Variants in RAB4A observed in about 807,000 individuals in gnomAD.
RAB4A encodes the protein ras-related protein Rab-4A.
RAB4A carries 20 observed loss-of-function variants against 34.5 expected under a neutral mutation model. The observed-to-expected ratio is 0.58, with a 90% CI of 0.41 to 0.84. The LOEUF (loss-of-function observed/expected upper bound fraction) is 0.84, where lower values mean the gene tolerates loss of function less well. Ranked by LOEUF, RAB4A falls within the 40% of genes least tolerant of loss-of-function variation. The probability of loss-of-function intolerance (pLI) is 0.00; values close to 1 mark genes in which losing one functional copy is unlikely to be tolerated. For missense variants in RAB4A, 228 were observed against 274.5 expected, an observed-to-expected ratio of 0.83 and a Z score of 1.20; for synonymous variants, 102 against 100.0, an observed-to-expected ratio of 1.02 and a Z score of -0.12.
chr1:229,301,436 G>GA (rs952677728), intron 6 of RAB4A, among the ~76,000 whole-genome samples: 8 of 150,788 alleles, frequency 5.3e-5, no homozygotes, highest in South Asian at 2.1e-4. Context: ...TTATCAGAAA[G>GA]AAAAAAAAAT....
chr1:229,284,347 C>A (rs1486811412), intron 1 of RAB4A, among the ~76,000 whole-genome samples: 4 of 152,084 alleles, frequency 2.6e-5, no homozygotes, highest in African/African-American at 9.7e-5. Flanking sequence ...ATCCATCCGC[C>A]TCAGTCTCCC....
At chr1:229,298,136 G>C (rs1657293978) in intron 5 of RAB4A, among the ~76,000 whole-genome samples, 1 of 152,068 alleles carries the variant, frequency 6.6e-6, no homozygotes, top group African/African-American at 2.4e-5. Context: ...AAAATTAATG[G>C]TTGCTTAATT....
At chr1:229,273,273 C>T (rs1257565070) in intron 1 of RAB4A, among the ~76,000 whole-genome samples, 2 of 152,206 alleles carry the variant, frequency 1.3e-5, no homozygotes, top group Admixed American at 1.3e-4. Context: ...CCACTTCAGA[C>T]ACAGTTAACT....
chr1:229,295,957 G>A (rs202143103), intron 4 of RAB4A, 47 bp downstream of exon 4: 76 of 1,597,652 alleles, frequency 4.8e-5, no homozygotes, highest in Non-Finnish European at 2.4e-5. Context: ...GTGCCCTGCA[G>A]CCCAAAGGCT....
At chr1:229,272,665 T>G (rs1031391560) in intron 1 of RAB4A, among the ~76,000 whole-genome samples, 12 of 151,144 alleles carry the variant, frequency 7.9e-5, no homozygotes, top group Admixed American at 3.3e-4. Context: ...TCAAGAAGGG[T>G]GTGTTTTGAG....
Position 229,280,353 on chromosome 1 carries a change from T to G in RAB4A, c.32-6133T>G, listed in dbSNP as rs547792721. Among the ~76,000 whole-genome samples the G allele has an allele frequency of 6.6e-5, 10 of 152,328 alleles. No individual in the cohort carries two copies. In the South Asian group the frequency reaches 2.1e-3, roughly 32 times the overall value. On this transcript the variant is annotated intron_variant, in intron 1 of 7. Transcript: ENST00000366690. ...TGGATTCTCATCATCTACCAAGGAA[T>G]AATTCATTATCTCCTTATAGTTTTA...
intron 2 of RAB4A, 51 bp downstream of exon 2, chr1:229,286,617 T>A (rs756597552): frequency 1.7e-6 from 2 of 1,152,988 alleles, no homozygotes; most frequent in Admixed American, 5.3e-5. Flanking sequence ...CTGAGAGCCC[T>A]CTCACTCAGA....
chr1:229,302,288 T>TAC (rs1657416612), intron 6 of RAB4A, among the ~76,000 whole-genome samples: 1 of 24,140 alleles, frequency 4.1e-5, no homozygotes, highest in Non-Finnish European at 8.2e-5. Flanking sequence ...TATATATATA[T>TAC]ATATATATAT....
intron 3 of RAB4A, among the ~76,000 whole-genome samples, chr1:229,289,661 A>C (rs1466893700): frequency 6.6e-6 from 1 of 152,002 alleles, no homozygotes; most frequent in East Asian, 1.9e-4. Flanking sequence ...ACTAAAAATA[A>C]AAAAATTAGC....
chr1:229,282,662 C>T (rs374072683), intron 1 of RAB4A, among the ~76,000 whole-genome samples: 21 of 152,282 alleles, frequency 1.4e-4, no homozygotes, highest in Admixed American at 5.2e-4. Flanking sequence ...GATACTTTAT[C>T]ATTTTGTCAT....
intron 2 of RAB4A, among the ~76,000 whole-genome samples, chr1:229,287,789 A>G (rs1156237172): frequency 6.6e-6 from 1 of 151,962 alleles, no homozygotes; most frequent in Non-Finnish European, 1.5e-5. Flanking sequence ...CCATTTATCT[A>G]CCCTCTGCCC....
chr1:229,285,340 T>A (rs1656895005), intron 1 of RAB4A, among the ~76,000 whole-genome samples: 1 of 152,204 alleles, frequency 6.6e-6, no homozygotes, highest in African/African-American at 2.4e-5. Context: ...AAAATTCTAA[T>A]AGCATTATTT....
intron 4 of RAB4A, 76 bp from the exon 5 acceptor site, chr1:229,297,406 A>G: frequency 2.1e-6 from 3 of 1,423,680 alleles, no homozygotes; most frequent in Non-Finnish European, 2.8e-6. Flanking sequence ...AAGCGGTATG[A>G]GTAGTGAGAA....
rs1156721282 is a variant in RAB4A at position 229,288,959 on chromosome 1, ATC to A, written c.227+119_227+120del. The A allele has an allele frequency of 7.4e-6, 5 of 678,996 alleles. No individual in the cohort carries two copies. The Admixed American group carries it at 1.3e-4, about 18-fold the overall frequency. The allele number at this position is 678,996 out of a possible 1,614,324, so 42.1% of individuals were successfully genotyped here. On this transcript the variant is annotated intron_variant, in intron 3 of 7. Coordinates refer to ENST00000366690, the MANE Select transcript of RAB4A (RefSeq NM_004578.4). ...CCCAACACACCCCTTCCTTGTCCTA[ATC>A]TCAGAAACTTCATTTTTGGAAACTT... is the stretch of plus-strand genomic sequence containing the variant.
Position 229,305,348 on chromosome 1 carries a change from G to C in RAB4A, c.*1555G>C, listed in dbSNP as rs773416618. 7.5e-6 allele frequency: 11 copies of C among 1,474,912 alleles called. No individual in the cohort carries two copies. In the South Asian group the frequency reaches 1.4e-4, roughly 18 times the overall value. 91.4% of individuals were successfully genotyped at this position (1,474,912 alleles called of 1,614,324 possible). ...TTGAACAGCTTTTTGCATGGGATAG[G>C]AGCATGTCTATTCTAACACATCAGC... On this transcript the variant is annotated 3_prime_UTR_variant, in exon 8 of 8. Coordinates refer to ENST00000366690, the MANE Select transcript of RAB4A (RefSeq NM_004578.4).
intron 1 of RAB4A, among the ~76,000 whole-genome samples, chr1:229,283,551 T>C (rs1200620141): frequency 1.3e-5 from 2 of 152,154 alleles, no homozygotes; most frequent in Non-Finnish European, 2.9e-5. Context: ...GCTAGGACTT[T>C]TTTTGTCTGC....
At chr1:229,284,102 T>G (rs1331512856) in intron 1 of RAB4A, among the ~76,000 whole-genome samples, 2 of 140,326 alleles carry the variant, frequency 1.4e-5, no homozygotes, top group African/African-American at 5.4e-5. Context: ...TGGTTTTTTT[T>G]TTTTTTTTTT....
At chr1:229,281,394 T>A (rs1656772624) in intron 1 of RAB4A, among the ~76,000 whole-genome samples, 1 of 152,168 alleles carries the variant, frequency 6.6e-6, no homozygotes, top group Non-Finnish European at 1.5e-5. Context: ...TGACCCTTTC[T>A]GTCTCTGGTT....
intron 1 of RAB4A, among the ~76,000 whole-genome samples, chr1:229,274,080 CCTCG>C (rs1656575160): frequency 8.1e-6 from 1 of 122,778 alleles, no homozygotes; most frequent in African/African-American, 3.0e-5. Context: ...TGAGACAGGA[CCTCG>C]CTCTGTCACC....
Sources: gnomAD v4.1 joint callset for allele counts (sites outside exome capture counted in the v4.1 genomes callset) on GRCh38, gnomAD v4.1.1 for gene constraint, MANE v1.5 for transcripts, NCBI Gene and HGNC (gene_info 2026-07-23, HGNC 2026-07-21) for gene names.